Variants in CEP112 observed in about 807,000 individuals in gnomAD.
The protein encoded by CEP112 is centrosomal protein 112.
In CEP112, 127 loss-of-function variants were observed where a neutral mutation model predicts 153.0. That is an observed-to-expected ratio of 0.83 (90% CI 0.72 to 0.96). The LOEUF is 0.96. Among genes scored for constraint, CEP112 ranks in the 40% least tolerant of loss-of-function variants. The pLI is 0.00. For missense variants in CEP112, 1,089 were observed against 1,101.2 expected (o/e 0.99, Z 0.16); for synonymous variants, 358 against 374.4 (o/e 0.96, Z 0.51).
chr17:66,142,082 G>A (rs2070726116), intron 4 of CEP112, among the ~76,000 whole-genome samples: 1 of 152,174 alleles, frequency 6.6e-6, no homozygotes, highest in South Asian at 2.1e-4. Context: ...TCTAACAGGT[G>A]TGAGTGATAG....
chr17:65,920,403 ATAAT>A (rs2060676508), intron 19 of CEP112, among the ~76,000 whole-genome samples: 2 of 116,950 alleles, frequency 1.7e-5, no homozygotes, highest in African/African-American at 6.8e-5. Context: ...ATATATATAT[ATAAT>A]TATAATATAT....
intron 18 of CEP112, among the ~76,000 whole-genome samples, chr17:65,934,641 G>A (rs1207231530): frequency 6.6e-6 from 1 of 152,170 alleles, no homozygotes; most frequent in Non-Finnish European, 1.5e-5. Flanking sequence ...TCCTACAAGA[G>A]ACTCATGTCA....
intron 21 of CEP112, among the ~76,000 whole-genome samples, chr17:65,787,692 T>C (rs1346115693): frequency 2.6e-5 from 4 of 152,250 alleles, no homozygotes; most frequent in African/African-American, 7.2e-5. Context: ...TTCATTCCTA[T>C]ACACTTTCTA....
At chr17:66,129,628 G>T (rs1260129193) in intron 6 of CEP112, 118 bp downstream of exon 6, 1 of 679,600 alleles carries the variant, frequency 1.5e-6, no homozygotes, top group Non-Finnish European at 2.5e-6. Context: ...AGGCCACACA[G>T]TAACATATGT....
At chr17:65,902,584 A>G (rs2143579276) in intron 19 of CEP112, among the ~76,000 whole-genome samples, 1 of 152,058 alleles carries the variant, frequency 6.6e-6, no homozygotes. Flanking sequence ...GAACATTGAA[A>G]AAAATTATCT....
chr17:65,747,531 C>A (rs187604557), intron 22 of CEP112, among the ~76,000 whole-genome samples: 28 of 152,268 alleles, frequency 1.8e-4, no homozygotes, highest in African/African-American at 6.7e-4. Flanking sequence ...GTGGGGAAAA[C>A]TATATTAATA....
chr17:65,863,954 C>T (rs902914606), intron 20 of CEP112, among the ~76,000 whole-genome samples: 1 of 150,826 alleles, frequency 6.6e-6, no homozygotes, highest in Non-Finnish European at 1.5e-5. Flanking sequence ...CCAACCTGGC[C>T]AACATGGTGA....
chr17:66,108,931 C>T (rs757073745), intron 6 of CEP112, among the ~76,000 whole-genome samples: 41 of 152,140 alleles, frequency 2.7e-4, no homozygotes, highest in Non-Finnish European at 3.8e-4. Context: ...TACTATTCAG[C>T]CATAAAAAAG....
In CEP112 at chr17:66,116,835, T is replaced by C. The variant is rs547457286; in HGVS notation, c.642+12911A>G. On this transcript the variant is annotated intron_variant, in intron 6 of 26. Coordinates refer to ENST00000535342, the MANE Select transcript of CEP112 (RefSeq NM_001199165.4). ...CTGCCATACCATTTTAAAAATTATA[T>C]ATGAAGCATGGTAATTTCTCCAATC... is the stretch of plus-strand genomic sequence containing the variant. Among the ~76,000 whole-genome samples, 53 of 151,704 alleles carry C rather than the reference T, an allele frequency of 3.5e-4. 1 individual carries two copies. The Middle Eastern group carries it at 0.01, about 29-fold the overall frequency.
At chr17:65,644,813 T>A (rs750877007) in intron 24 of CEP112, among the ~76,000 whole-genome samples, 6 of 152,202 alleles carry the variant, frequency 3.9e-5, no homozygotes, top group African/African-American at 7.2e-5. Flanking sequence ...CTTGGGAGGC[T>A]GAAGTAGGAG....
intron 24 of CEP112, among the ~76,000 whole-genome samples, chr17:65,663,607 C>T (rs1003005305): frequency 7.2e-5 from 11 of 152,120 alleles, no homozygotes; most frequent in Non-Finnish European, 1.2e-4. Flanking sequence ...CCTAGGAAAC[C>T]CAGCCTGCAA....
chr17:66,046,456 T>G (rs752443169), intron 12 of CEP112, among the ~76,000 whole-genome samples: 1 of 152,218 alleles, frequency 6.6e-6, no homozygotes, highest in Non-Finnish European at 1.5e-5. Flanking sequence ...ATAGAAAACA[T>G]GATCGTTTAT....
intron 24 of CEP112, among the ~76,000 whole-genome samples, chr17:65,664,560 C>T (rs2046586572): frequency 6.6e-6 from 1 of 152,060 alleles, no homozygotes; most frequent in Non-Finnish European, 1.5e-5. Context: ...CAAAGATGTC[C>T]ATGGGGAGAA....
chr17:66,186,573 G>GCCA lies in CEP112; in HGVS notation c.-8-3269_-8-3267dup, dbSNP rs1312886191. Among the ~76,000 whole-genome samples, 4 of 152,276 alleles carry GCCA rather than the reference G, an allele frequency of 2.6e-5. No homozygotes were observed. The East Asian group carries it at 5.8e-4, about 22-fold the overall frequency. ...CAAAGTGCTGGGATTACAGGCATGA[G>GCCA]CCACCATGCCCAGCTGCCTCTTGTC... On this transcript the variant is annotated intron_variant, in intron 1 of 26. Coordinates refer to ENST00000535342, the MANE Select transcript of CEP112 (RefSeq NM_001199165.4).
chr17:65,782,650 T>G (rs938445220), intron 21 of CEP112, among the ~76,000 whole-genome samples: 1 of 152,212 alleles, frequency 6.6e-6, no homozygotes, highest in Non-Finnish European at 1.5e-5. Flanking sequence ...CATGGAATAC[T>G]ATGCAGCCAC....
At chr17:66,037,225 G>A (rs947476001) in intron 12 of CEP112, among the ~76,000 whole-genome samples, 8 of 152,154 alleles carry the variant, frequency 5.3e-5, no homozygotes, top group African/African-American at 1.9e-4. Flanking sequence ...AGTTAGCTTA[G>A]ATTAATAAAG....
intron 2 of CEP112, among the ~76,000 whole-genome samples, chr17:66,180,755 G>A (rs2072686662): frequency 6.6e-6 from 1 of 152,020 alleles, no homozygotes; most frequent in Non-Finnish European, 1.5e-5. Flanking sequence ...TTTTTTATCA[G>A]TCTAAGTCAA....
chr17:65,800,981 C>G (rs533197666), intron 21 of CEP112, among the ~76,000 whole-genome samples: 1 of 152,272 alleles, frequency 6.6e-6, no homozygotes, highest in East Asian at 1.9e-4. Flanking sequence ...TTGTTGTTGA[C>G]TTGCAAAATT....
intron 4 of CEP112, among the ~76,000 whole-genome samples, chr17:66,173,233 G>A (rs1285592602): frequency 6.6e-6 from 1 of 152,150 alleles, no homozygotes; most frequent in African/African-American, 2.4e-5. Context: ...TCAGGAATTA[G>A]AAGGAAATCA....
Sources: allele counts gnomAD v4.1 joint callset (sites outside exome capture counted in the v4.1 genomes callset), GRCh38; gene constraint gnomAD v4.1.1; transcripts MANE v1.5; gene names NCBI Gene and HGNC (gene_info 2026-07-23, HGNC 2026-07-21).